Variants in TENM2 observed in about 807,000 individuals in gnomAD.
TENM2 encodes teneurin-2.
A neutral mutation model predicts 245.2 loss-of-function variants in TENM2; 52 were observed. The ratio of observed to expected loss-of-function variants is 0.21; its 90% CI spans 0.17 to 0.27. TENM2 has a LOEUF of 0.27. TENM2 is among the 10% of genes least tolerant of loss of function. The pLI, the probability that TENM2 is intolerant of heterozygous loss-of-function variation, is 1.00. For synonymous variants in TENM2, 1,363 were observed against 1,438.9 expected (o/e 0.95, Z 1.19); for missense variants, 3,046 against 3,666.8 (o/e 0.83, Z 4.37).
rs542446795 is a variant in TENM2, at chr5:168,220,248, A to G, written c.5108+1249A>G. The stretch of plus-strand genomic sequence containing the variant: ...TTCATCTTCCTTTCTGACAGTTTCA[A>G]CCAAAGACCTAATGCATTTCAGAAA... On this transcript the variant is annotated intron_variant, in intron 23 of 28. Coordinates refer to ENST00000518659, the Ensembl canonical transcript of TENM2. Among the ~76,000 whole-genome samples, 3 of 152,264 alleles carry G rather than the reference A, an allele frequency of 2.0e-5. No individual in the cohort carries two copies. The East Asian group carries it at 5.8e-4, about 29-fold the overall frequency.
At chr5:167,797,578 G>A (rs1042521865) in intron 2 of TENM2, among the ~76,000 whole-genome samples, 9 of 152,116 alleles carry the variant, frequency 5.9e-5, no homozygotes, top group Non-Finnish European at 8.8e-5. Flanking sequence ...TATTTCTTTC[G>A]CAATGTGTGT....
At chr5:167,879,769 A>C (rs1773723355) in intron 3 of TENM2, among the ~76,000 whole-genome samples, 1 of 152,178 alleles carries the variant, frequency 6.6e-6, no homozygotes, top group South Asian at 2.1e-4. Context: ...CCTAGCTAGG[A>C]CATCTTGGTA....
At chr5:168,183,961 G>A (rs988204162) in intron 13 of TENM2, among the ~76,000 whole-genome samples, 2 of 152,116 alleles carry the variant, frequency 1.3e-5, no homozygotes, top group Non-Finnish European at 2.9e-5. Context: ...ACTCCTTTGG[G>A]TATAATCATC....
At chr5:167,273,564 A>G in the TENM2 span, among the ~76,000 whole-genome samples, 1 of 152,302 alleles carries the variant, frequency 6.6e-6, no homozygotes, top group East Asian at 1.9e-4. Context: ...GATTAAGAGT[A>G]GTATCTTATT....
At position 168,244,777 on chromosome 5, in the gene TENM2, T is replaced by C. The variant is rs1766402814; in HGVS notation, c.5817+61T>C. The C allele has an allele frequency of 2.0e-6, 1 of 501,702 alleles. No homozygotes were observed. Among genetic ancestry groups the C allele is most frequent in the Non-Finnish European group, 2.7e-6 (1 of 372,334 alleles). 31.1% of individuals were successfully genotyped at this position (501,702 alleles called of 1,614,324 possible). A position where few individuals can be genotyped will look rare whatever the true frequency, so the allele number is the denominator to read the frequency against. On this transcript the variant is annotated intron_variant, in intron 26 of 28. Transcript: ENST00000518659. This position sits in a 1 kb window ranked among gnomAD's most constrained non-coding sequence, Gnocchi z 4.9. Reference sequence around the variant, plus strand: ...CTGTTATTTCTGTTATTCCGGCTTCTTTTTTTTTTTGAGACAGAGACTTGC... The same window carrying C: ...CTGTTATTTCTGTTATTCCGGCTTCCTTTTTTTTTTGAGACAGAGACTTGC...
At chr5:168,168,274 C>T (rs1758484434) in intron 13 of TENM2, among the ~76,000 whole-genome samples, 1 of 152,160 alleles carries the variant, frequency 6.6e-6, no homozygotes, top group South Asian at 2.1e-4. Context: ...GGTGGGCTCA[C>T]CCAGCCTAAT....
intron 9 of TENM2, among the ~76,000 whole-genome samples, chr5:168,108,181 T>A (rs1392115527): frequency 6.6e-6 from 1 of 151,966 alleles, no homozygotes; most frequent in East Asian, 1.9e-4. Context: ...CTTTGAGGCA[T>A]GGAGGGAGGG....
intron 2 of TENM2, among the ~76,000 whole-genome samples, chr5:167,667,459 C>A (rs963365442): frequency 6.6e-6 from 1 of 152,150 alleles, no homozygotes; most frequent in African/African-American, 2.4e-5. Context: ...TTAGACAAAG[C>A]CGAGTCATCA....
chr5:167,894,375 C>A (rs185267420), intron 3 of TENM2, among the ~76,000 whole-genome samples: 230 of 152,270 alleles, frequency 1.5e-3, no homozygotes, highest in African/African-American at 5.4e-3. Flanking sequence ...AAACCCAGAT[C>A]GTTTATTGTG....
At chr5:167,559,472 A>AT (rs1424013908) in intron 2 of TENM2, among the ~76,000 whole-genome samples, 1 of 152,230 alleles carries the variant, frequency 6.6e-6, no homozygotes, top group African/African-American at 2.4e-5. Flanking sequence ...AGGAATGTTT[A>AT]TTACAGGACT....
the TENM2 span, among the ~76,000 whole-genome samples, chr5:167,141,949 G>A: frequency 6.6e-6 from 1 of 152,294 alleles, no homozygotes; most frequent in Non-Finnish European, 1.5e-5. Context: ...AGTTTTTAAT[G>A]AGGAGTAGTC....
the TENM2 span, among the ~76,000 whole-genome samples, chr5:167,278,980 C>T: frequency 6.6e-6 from 1 of 152,184 alleles, no homozygotes; most frequent in African/African-American, 2.4e-5. Flanking sequence ...TTGACCAAGT[C>T]TCTTAATTGT....
intron 2 of TENM2, among the ~76,000 whole-genome samples, chr5:167,760,019 A>G (rs954670478): frequency 1.3e-5 from 2 of 152,244 alleles, no homozygotes; most frequent in African/African-American, 4.8e-5. Flanking sequence ...TGAGCTTACT[A>G]GAGCGGTGGC....
chr5:167,501,523 C>A (rs1769213296), intron 2 of TENM2, among the ~76,000 whole-genome samples: 1 of 152,158 alleles, frequency 6.6e-6, no homozygotes, highest in South Asian at 2.1e-4. Flanking sequence ...CCTCAATCTA[C>A]ATCTTATTAG....
intron 1 of TENM2, among the ~76,000 whole-genome samples, chr5:167,325,068 C>A (rs939254543): frequency 6.6e-6 from 1 of 152,126 alleles, no homozygotes; most frequent in African/African-American, 2.4e-5. Context: ...TGATCCATGT[C>A]TTTTAATCTC....
chr5:167,128,825 T>C, the TENM2 span, among the ~76,000 whole-genome samples: 1 of 152,216 alleles, frequency 6.6e-6, no homozygotes, highest in South Asian at 2.1e-4. Context: ...CATTCATTCT[T>C]GTGTTATTAG....
upstream of TENM2, chr5:167,284,742 G>GT: frequency 1.1e-6 from 1 of 905,270 alleles, no homozygotes; most frequent in Non-Finnish European, 1.7e-6. Flanking sequence ...ACAGTCTTGG[G>GT]TTTTTTCTTC....
intron 2 of TENM2, among the ~76,000 whole-genome samples, chr5:167,381,991 G>A (rs1363666745): frequency 6.6e-6 from 1 of 152,028 alleles, no homozygotes; most frequent in Non-Finnish European, 1.5e-5. Flanking sequence ...ATATGTGGGG[G>A]GTGAGTTTAA....
intron 7 of TENM2, among the ~76,000 whole-genome samples, chr5:168,064,934 T>C (rs549349342): frequency 1.3e-5 from 2 of 152,364 alleles, no homozygotes; most frequent in African/African-American, 2.4e-5. Context: ...CATGCATTCA[T>C]GTCCATTTGA....
Sources: gnomAD v4.1 joint callset for allele counts (sites outside exome capture counted in the v4.1 genomes callset) on GRCh38, gnomAD v4.1.1 for gene constraint, Gnocchi (gnomAD v3.1) non-coding constraint, MANE v1.5 for transcripts, NCBI Gene and HGNC (gene_info 2026-07-23, HGNC 2026-07-21) for gene names.